The following SV2C variants were observed in gnomAD, a reference collection of about 807,000 sequenced individuals.
SV2C encodes the protein solute carrier family 22 member B3.
A neutral mutation model predicts 79.7 loss-of-function variants in SV2C; 49 were observed. The observed-to-expected ratio is 0.61, with a 90% confidence interval of 0.49 to 0.78. The LOEUF (loss-of-function observed/expected upper bound fraction) is 0.78, where lower values mean the gene tolerates loss of function less well. Ranked by LOEUF, SV2C falls within the 30% of genes least tolerant of loss-of-function variation. The probability of loss-of-function intolerance (pLI) is 0.00; values close to 1 mark genes in which losing one functional copy is unlikely to be tolerated. For missense variants in SV2C, 833 were observed against 912.9 expected (o/e 0.91, Z 1.13); for synonymous variants, 334 against 333.2 (o/e 1.00, Z -0.03).
At chr5:76,075,715 A>T in the SV2C span, 1 of 362,948 alleles carries the variant, frequency 2.8e-6, no homozygotes, top group South Asian at 2.3e-5. Context: ...AGCTAGAAAG[A>T]AGGGCACAAA....
intron 12 of SV2C, among the ~76,000 whole-genome samples, chr5:76,309,535 G>C (rs914577741): frequency 1.4e-5 from 2 of 144,524 alleles, no homozygotes; most frequent in Non-Finnish European, 3.0e-5. Flanking sequence ...GGGAGGCGGA[G>C]CTTGCAGTGA....
chr5:75,867,271 A>G, the SV2C span, among the ~76,000 whole-genome samples: 39,618 of 151,984 alleles, frequency 0.26, 7,756 homozygotes, highest in African/African-American at 0.55. Context: ...ACCAGAGGGC[A>G]TGGTGGGATG....
chr5:75,867,002 G>A, the SV2C span, among the ~76,000 whole-genome samples: 10 of 152,190 alleles, frequency 6.6e-5, no homozygotes, highest in Non-Finnish European at 1.5e-4. Context: ...GCTGAGAGAA[G>A]AAAGTCTTGC....
At chr5:76,135,183 G>A (rs1365222955) in intron 2 of SV2C, among the ~76,000 whole-genome samples, 3 of 152,174 alleles carry the variant, frequency 2.0e-5, no homozygotes, top group African/African-American at 7.2e-5. Flanking sequence ...TGAAAGAATG[G>A]CAGTTCATTA....
chr5:76,226,244 TC>T (rs1398894731), intron 4 of SV2C, among the ~76,000 whole-genome samples: 3 of 151,270 alleles, frequency 2.0e-5, no homozygotes, highest in African/African-American at 7.3e-5. Context: ...GTCCCAGGGG[TC>T]TTGGCTTGAC....
chr5:75,899,818 T>C, the SV2C span, among the ~76,000 whole-genome samples: 1 of 152,134 alleles, frequency 6.6e-6, no homozygotes, highest in Non-Finnish European at 1.5e-5. Flanking sequence ...TATCAGTATG[T>C]AATGGCCTTC....
At chr5:75,937,049 A>C in the SV2C span, among the ~76,000 whole-genome samples, 1 of 125,512 alleles carries the variant, frequency 8.0e-6, no homozygotes, top group South Asian at 2.6e-4. Context: ...TCTTTCTGTC[A>C]CACTGGCATA....
At chr5:75,992,651 G>A in the SV2C span, among the ~76,000 whole-genome samples, 1 of 152,118 alleles carries the variant, frequency 6.6e-6, no homozygotes, top group African/African-American at 2.4e-5. Context: ...AAGGTGTGTA[G>A]CTATTTTGCC....
chr5:76,293,560 T>C (rs1747632112), intron 8 of SV2C, among the ~76,000 whole-genome samples: 1 of 152,156 alleles, frequency 6.6e-6, no homozygotes, highest in African/African-American at 2.4e-5. Flanking sequence ...TCCTCATTGT[T>C]GCCATTTCAA....
At chr5:76,124,873 G>A (rs547957180) in intron 1 of SV2C, among the ~76,000 whole-genome samples, 6 of 152,212 alleles carry the variant, frequency 3.9e-5, no homozygotes, top group East Asian at 1.9e-4. Context: ...TTTTGTAATC[G>A]GAAAGAAAGA....
chr5:76,131,971 G>T lies in SV2C; in HGVS notation c.221G>T (p.Gly74Val), dbSNP rs200962672. The T allele has an allele frequency of 2.5e-6, 4 of 1,613,842 alleles. No individual in the cohort carries two copies. The highest frequency in any genetic ancestry group is 1.1e-5 in the South Asian group (1 of 91,056). The change falls in exon 2 of 13, where the codon GGC becomes GTC. Residue 74 changes from glycine to valine, a missense_variant. Physicochemically the swap from Gly to Val is moderately radical, Grantham distance 109. Coordinates refer to ENST00000502798, the MANE Select transcript of SV2C (RefSeq NM_014979.4). Reference sequence around the variant, plus strand: ...AATGGTGAGGCCAACGATGACGAAGGCTCAAGTGAAGCCACTGAGGGGCAT... The same window carrying T: ...AATGGTGAGGCCAACGATGACGAAGTCTCAAGTGAAGCCACTGAGGGGCAT... ...TYNGEANDDE[G>V]SSEATEGHDE...
upstream of SV2C, chr5:76,082,391 G>A (rs1223341895): frequency 1.3e-5 from 2 of 152,120 alleles, no homozygotes; most frequent in Non-Finnish European, 2.9e-5. Context: ...CTCGAGTTGG[G>A]GTCTCCTGCA....
the SV2C span, among the ~76,000 whole-genome samples, chr5:75,850,364 T>A: frequency 6.6e-6 from 1 of 152,224 alleles, no homozygotes; most frequent in African/African-American, 2.4e-5. Flanking sequence ...TTCTATCAAT[T>A]TGTTATATAT....
the SV2C span, among the ~76,000 whole-genome samples, chr5:76,026,943 C>A: frequency 6.6e-6 from 1 of 151,660 alleles, no homozygotes; most frequent in Non-Finnish European, 1.5e-5. Flanking sequence ...CCAACCCCCA[C>A]TTTTTAGACT....
chr5:76,017,412 A>C, the SV2C span, among the ~76,000 whole-genome samples: 4 of 151,926 alleles, frequency 2.6e-5, no homozygotes, highest in African/African-American at 9.7e-5. Context: ...TCAGCCTCTC[A>C]AGCAGCTGGG....
chr5:75,876,260 C>A, the SV2C span, among the ~76,000 whole-genome samples: 1 of 151,998 alleles, frequency 6.6e-6, no homozygotes, highest in Non-Finnish European at 1.5e-5. Flanking sequence ...GAGATCATGT[C>A]TTTTTTGGGA....
At chr5:76,253,320 C>T (rs1746168255) in intron 4 of SV2C, among the ~76,000 whole-genome samples, 1 of 151,968 alleles carries the variant, frequency 6.6e-6, no homozygotes, top group Admixed American at 6.6e-5. Context: ...GAGACGAGAT[C>T]TCACTCTGTC....
At chr5:76,142,089 G>C (rs896048658) in intron 2 of SV2C, among the ~76,000 whole-genome samples, 5 of 152,102 alleles carry the variant, frequency 3.3e-5, no homozygotes, top group Admixed American at 1.3e-4. Context: ...CTGTTCATCA[G>C]ATTCATCTTA....
intron 2 of SV2C, among the ~76,000 whole-genome samples, chr5:76,139,571 T>C (rs572054856): frequency 8.9e-4 from 136 of 152,300 alleles, no homozygotes; most frequent in Admixed American, 2.4e-3. Flanking sequence ...GATCTGTCTT[T>C]AGTGTGCTGA....
Sources: gnomAD v4.1 joint callset for allele counts (sites outside exome capture counted in the v4.1 genomes callset) on GRCh38, gnomAD v4.1.1 for gene constraint, MANE v1.5 for transcripts, NCBI Gene and HGNC (gene_info 2026-07-23, HGNC 2026-07-21) for gene names.